The following RNF144A variants were observed in gnomAD, a reference collection of about 807,000 sequenced individuals.
The protein encoded by RNF144A is E3 ubiquitin-protein ligase RNF144A.
A neutral mutation model predicts 38.7 loss-of-function variants in RNF144A; 11 were observed. The ratio of observed to expected loss-of-function variants is 0.28; its 90% CI spans 0.18 to 0.47. RNF144A has a LOEUF of 0.47. RNF144A is among the 20% of genes least tolerant of loss of function. The probability of loss-of-function intolerance (pLI) is 0.99; values close to 1 mark genes in which losing one functional copy is unlikely to be tolerated. For synonymous variants in RNF144A, 149 were observed against 143.9 expected (o/e 1.04, Z -0.25); for missense variants, 316 against 377.2 (o/e 0.84, Z 1.34).
chr2:6,926,700 G>T (rs1238880682), intron 1 of RNF144A, among the ~76,000 whole-genome samples: 1 of 152,192 alleles, frequency 6.6e-6, no homozygotes, highest in Non-Finnish European at 1.5e-5. Flanking sequence ...ATAAATATTT[G>T]TTGAAATGAA....
rs149696699 is a variant in RNF144A, at chr2:7,031,689, C to T, written c.747+1474C>T. Among the ~76,000 whole-genome samples the T allele has an allele frequency of 2.1e-3, 321 of 152,348 alleles. 1 individual carries two copies. Among genetic ancestry groups the T allele is most frequent in the African/African-American group, 7.3e-3 (305 of 41,570 alleles). On this transcript the variant is annotated intron_variant, in intron 8 of 8. Coordinates refer to ENST00000320892, the MANE Select transcript of RNF144A (RefSeq NM_014746.6). ...CTCAGTCTCAAGGCAGTTGCCAGGA[C>T]GAGGGAAAGGTCCACCTACAGCTGC...
chr2:6,952,029 G>A (rs1483710122), intron 2 of RNF144A, among the ~76,000 whole-genome samples: 2 of 152,018 alleles, frequency 1.3e-5, no homozygotes, highest in Admixed American at 6.6e-5. Context: ...TACGTTTGCC[G>A]CCATATTTTT....
chr2:6,942,423 G>A (rs1666060908), intron 2 of RNF144A, among the ~76,000 whole-genome samples: 2 of 152,202 alleles, frequency 1.3e-5, no homozygotes, highest in Non-Finnish European at 2.9e-5. Flanking sequence ...CATCTCAGAG[G>A]TCATTGGAGA....
chr2:7,041,073 A>G lies in RNF144A; in HGVS notation c.*1313A>G, dbSNP rs1046074334. ...AAGAGAATTTACTTCTAAAAGCCACAGGTGCTTTTACAAAGCAAACTGCAT... is the reference window on the plus strand; with the variant it reads ...AAGAGAATTTACTTCTAAAAGCCACGGGTGCTTTTACAAAGCAAACTGCAT... On this transcript the variant is annotated 3_prime_UTR_variant, in exon 9 of 9. Coordinates refer to ENST00000320892, the MANE Select transcript of RNF144A (RefSeq NM_014746.6). 4.3e-5 allele frequency: 42 copies of G among 984,070 alleles called. No individual in the cohort carries two copies. Among genetic ancestry groups the G allele is most frequent in the Non-Finnish European group, 4.7e-5 (39 of 828,744 alleles). 61.0% of individuals were successfully genotyped at this position (984,070 alleles called of 1,614,324 possible).
chr2:6,933,223 A>T (rs934649604), intron 1 of RNF144A: 6 of 152,174 alleles, frequency 3.9e-5, no homozygotes, highest in Non-Finnish European at 7.3e-5. Context: ...ATGTGTAAGG[A>T]ATTGTAGGTA....
chr2:7,049,059 G>T (rs1387870128), downstream of RNF144A, among the ~76,000 whole-genome samples: 1 of 152,206 alleles, frequency 6.6e-6, no homozygotes, highest in Non-Finnish European at 1.5e-5. Flanking sequence ...GGGCCCTATA[G>T]GATCACAGAG....
intron 1 of RNF144A, among the ~76,000 whole-genome samples, chr2:6,934,332 A>T (rs1455707245): frequency 2.0e-5 from 3 of 151,940 alleles, no homozygotes; most frequent in Admixed American, 6.6e-5. Context: ...CACATTCTTT[A>T]CCTGCTTTTC....
At chr2:6,927,725 A>G (rs1486346387) in intron 1 of RNF144A, among the ~76,000 whole-genome samples, 1 of 152,226 alleles carries the variant, frequency 6.6e-6, no homozygotes, top group Non-Finnish European at 1.5e-5. Flanking sequence ...GTACCCAGTC[A>G]TAATTGTTAT....
intron 6 of RNF144A, among the ~76,000 whole-genome samples, chr2:7,057,108 T>G (rs533926269): frequency 5.3e-5 from 8 of 152,260 alleles, no homozygotes; most frequent in Non-Finnish European, 1.0e-4. Context: ...ATTATACAGC[T>G]TTAGTAGTGG....
chr2:7,027,254 A>T (rs762725071), intron 7 of RNF144A, among the ~76,000 whole-genome samples: 21 of 152,168 alleles, frequency 1.4e-4, no homozygotes, highest in Non-Finnish European at 2.4e-4. Flanking sequence ...TCTCCCCTTG[A>T]ATCCTCACTG....
rs112651098 is a variant in RNF144A, at chr2:6,941,632, A to G, written c.-12+485A>G. On this transcript the variant is annotated intron_variant, in intron 2 of 8. Coordinates refer to ENST00000320892, the MANE Select transcript of RNF144A (RefSeq NM_014746.6). This position sits in a 1 kb window ranked among gnomAD's most constrained non-coding sequence, Gnocchi z 6.5. ...ATTTGACAGTAGCCGGAAGCAAATT[A>G]TATACTATGCAACAAGGCCTAGATA... is the stretch of plus-strand genomic sequence containing the variant. 4.6e-3 allele frequency among the ~76,000 whole-genome samples: 701 copies of G among 152,384 alleles called. 9 individuals are homozygous for G. Among genetic ancestry groups the G allele is most frequent in the African/African-American group, 0.016 (648 of 41,596 alleles).
intron 3 of RNF144A, among the ~76,000 whole-genome samples, chr2:7,005,698 AC>A (rs1670396337): frequency 6.6e-6 from 1 of 152,144 alleles, no homozygotes; most frequent in African/African-American, 2.4e-5. Context: ...ACAGGCTACA[AC>A]CAGAGTTGTC....
chr2:6,988,315 C>A (rs1254815600), intron 2 of RNF144A, among the ~76,000 whole-genome samples: 3 of 152,180 alleles, frequency 2.0e-5, no homozygotes, highest in Non-Finnish European at 4.4e-5. Context: ...AACTCAGGAA[C>A]CCTCTTCATT....
chr2:6,917,557 C>G lies in RNF144A; in HGVS notation c.-277C>G, dbSNP rs1664198170. On this transcript the variant is annotated 5_prime_UTR_variant, in exon 1 of 9. Coordinates refer to ENST00000320892, the MANE Select transcript of RNF144A (RefSeq NM_014746.6). The surrounding 1 kb of genome is among the most constrained non-coding windows in gnomAD (Gnocchi z 4.8). ...GGCGCGGGCGGCAAACTGCGGGCAC[C>G]CGGCACCCCGCAGCCAGTACCGGGC... The G allele has an allele frequency of 6.8e-6, 1 of 147,840 alleles. No homozygotes were observed. Among genetic ancestry groups the G allele is most frequent in the African/African-American group, 2.4e-5 (1 of 41,006 alleles). 9.2% of individuals were successfully genotyped at this position (147,840 alleles called of 1,614,324 possible).
intron 5 of RNF144A, among the ~76,000 whole-genome samples, chr2:7,015,327 T>G (rs1174373584): frequency 6.6e-6 from 1 of 152,144 alleles, no homozygotes; most frequent in Non-Finnish European, 1.5e-5. Context: ...AAAGCTAATT[T>G]GTCATTATCT....
intron 3 of RNF144A, among the ~76,000 whole-genome samples, chr2:7,013,367 G>A (rs1240899427): frequency 6.6e-6 from 1 of 152,170 alleles, no homozygotes; most frequent in Non-Finnish European, 1.5e-5. Context: ...TAATAATCAT[G>A]CATTCTTGTA....
Position 7,043,970 on chromosome 2 carries a change from A to C in RNF144A, c.*4210A>C, listed in dbSNP as rs913899554. 1 of 985,918 alleles carries C rather than the reference A, an allele frequency of 1.0e-6. No homozygotes were observed. Among genetic ancestry groups the C allele is most frequent in the African/African-American group, 1.7e-5 (1 of 57,386 alleles). The allele number at this position is 985,918 out of a possible 1,614,324, so 61.1% of individuals were successfully genotyped here. On this transcript the variant is annotated 3_prime_UTR_variant, in exon 9 of 9. Transcript: ENST00000320892. ...ATTTGTGTTTTTGAAATGTCAGTACATTTTGTGCCACTAACACTGTGATGT... is the reference window on the plus strand; with the variant it reads ...ATTTGTGTTTTTGAAATGTCAGTACCTTTTGTGCCACTAACACTGTGATGT...
chr2:7,030,239 G>A (rs772029186), intron 8 of RNF144A, 24 bp downstream of exon 8: 3 of 1,461,966 alleles, frequency 2.1e-6, no homozygotes, highest in African/African-American at 2.8e-5. Flanking sequence ...TGCCTGGAAG[G>A]TTGATCTCAG....
chr2:7,037,940 C>T (rs1378746652), intron 8 of RNF144A, among the ~76,000 whole-genome samples: 1 of 152,210 alleles, frequency 6.6e-6, no homozygotes, highest in African/African-American at 2.4e-5. Context: ...GCCCTGTCCT[C>T]GCTCTCATTT....
Sources: gnomAD v4.1 joint callset for allele counts (sites outside exome capture counted in the v4.1 genomes callset) on GRCh38, gnomAD v4.1.1 for gene constraint, Gnocchi (gnomAD v3.1) non-coding constraint, MANE v1.5 for transcripts, NCBI Gene and HGNC (gene_info 2026-07-23, HGNC 2026-07-21) for gene names.